MLXIP: variants seen among roughly 807,000 people sequenced by gnomAD.
MLXIP encodes the protein MLX-interacting protein.
In MLXIP, 30 loss-of-function variants were observed where a neutral mutation model predicts 87.2. That is an observed-to-expected ratio of 0.34 (90% CI 0.26 to 0.47). MLXIP has a LOEUF of 0.47. MLXIP is among the 20% of genes least tolerant of loss of function. MLXIP has a pLI of 1.00. For missense variants in MLXIP, 1,002 were observed against 1,240.1 expected (o/e 0.81, Z 2.88); for synonymous variants, 530 against 514.0 (o/e 1.03, Z -0.42).
rs183348638 is a variant in MLXIP at position 122,141,911 on chromosome 12, G to C, written c.*99G>C. 6.5e-7 allele frequency: 1 copy of C among 1,534,258 alleles called. No individual in the cohort carries two copies. The highest frequency in any genetic ancestry group is 8.8e-7 in the Non-Finnish European group (1 of 1,138,276). On this transcript the variant is annotated 3_prime_UTR_variant, in exon 17 of 17. Transcript: ENST00000319080. ...CCAGCCCTTCCTGACGCTCAGCCTC[G>C]GGGCCTCTCTCCAACTCTGCCGGCC...
intron 1 of MLXIP, among the ~76,000 whole-genome samples, chr12:122,092,916 T>TGTGTTGGTGTGTGG (rs1952268076): frequency 1.3e-5 from 2 of 150,828 alleles, no homozygotes; most frequent in East Asian, 3.9e-4. Context: ...TTGTTGTGTG[T>TGTGTTGGTGTGTGG]GATGTGTGTG....
At chr12:122,125,454 G>T (rs187396552) in intron 1 of MLXIP, among the ~76,000 whole-genome samples, 1 of 152,334 alleles carries the variant, frequency 6.6e-6, no homozygotes, top group East Asian at 1.9e-4. Context: ...ATGTATGTGT[G>T]TGTGTATTTT....
At position 122,141,881 on chromosome 12, in the gene MLXIP, G is replaced by T; in HGVS notation, c.*69G>T. 3 of 1,580,080 alleles carry T rather than the reference G, an allele frequency of 1.9e-6. No homozygotes were observed. Among genetic ancestry groups the T allele is most frequent in the Non-Finnish European group, 2.6e-6 (3 of 1,163,986 alleles). ...TCCCTGCCCATGGAGAGTAGGCTGC[G>T]CCCCCCAGCCCTTCCTGACGCTCAG... is the stretch of plus-strand genomic sequence containing the variant. On this transcript the variant is annotated 3_prime_UTR_variant, in exon 17 of 17. Transcript: ENST00000319080.
intron 16 of MLXIP, 62 bp downstream of exon 16, chr12:122,141,145 G>T: frequency 1.9e-6 from 3 of 1,542,964 alleles, no homozygotes; most frequent in Non-Finnish European, 2.6e-6. Context: ...GACAGCCCCA[G>T]GCTGAGGACA....
Position 122,138,530 on chromosome 12 carries a change from A to G in MLXIP, c.2363A>G (p.Glu788Gly), listed in dbSNP as rs780510607. ...EEARRLREEI[E>G]ELNATIISCQ... is the part of the protein sequence containing the mutation. ...GCCCGGCGGCTGCGGGAGGAGATCG[A>G]GGAGCTCAATGCCACCATCATGTGA... Residue 788 changes from glutamate (E) to glycine (G), a missense_variant, in exon 14 of 17, where the codon GAG becomes GGG. Transcript: ENST00000319080. 6.2e-7 allele frequency: 1 copy of G among 1,612,952 alleles called. No homozygotes were observed.
In MLXIP at chr12:122,135,777, A is replaced by G; in HGVS notation, c.2032+111A>G. On this transcript the variant is annotated intron_variant, in intron 11 of 16. Coordinates refer to ENST00000319080, the MANE Select transcript of MLXIP (RefSeq NM_014938.6). This position sits in a 1 kb window ranked among gnomAD's most constrained non-coding sequence, Gnocchi z 5.3. ...CCCCAGGACGGAGCCTGGGCTTAGG[A>G]CACACAGTGAGGTCTTGTAGGCCTG... The G allele has an allele frequency of 7.8e-7, 1 of 1,284,188 alleles. No individual in the cohort carries two copies. Among genetic ancestry groups the G allele is most frequent in the Non-Finnish European group, 1.0e-6 (1 of 967,430 alleles). The allele number at this position is 1,284,188 out of a possible 1,614,324, so 79.5% of individuals were successfully genotyped here.
chr12:122,108,576 G>A (rs766683257), intron 1 of MLXIP, among the ~76,000 whole-genome samples: 5 of 151,918 alleles, frequency 3.3e-5, no homozygotes, highest in African/African-American at 7.3e-5. Context: ...CTCCCTGCTC[G>A]ACTCCTCCCC....
At chr12:122,100,746 G>C (rs935020451) in intron 1 of MLXIP, among the ~76,000 whole-genome samples, 6 of 152,224 alleles carry the variant, frequency 3.9e-5, no homozygotes, top group Admixed American at 2.0e-4. Context: ...GTAAAACAAG[G>C]GTAATTAACT....
intron 1 of MLXIP, among the ~76,000 whole-genome samples, chr12:122,083,317 G>A (rs1565954209): frequency 2.0e-5 from 3 of 152,132 alleles, no homozygotes; most frequent in Admixed American, 6.6e-5. Context: ...TAAGAAGTGG[G>A]TGTTTGGAGA....
intron 4 of MLXIP, 154 bp downstream of exon 4, chr12:122,129,380 C>T: frequency 2.6e-6 from 1 of 384,806 alleles, no homozygotes. Context: ...CCAGACTAGC[C>T]TGGGCAATGG....
intron 1 of MLXIP, among the ~76,000 whole-genome samples, chr12:122,107,782 AG>A (rs1952543459): frequency 6.6e-6 from 1 of 151,222 alleles, no homozygotes; most frequent in African/African-American, 2.4e-5. Flanking sequence ...GTCTTTTCCG[AG>A]TTGGCCCTGA....
chr12:122,116,684 A>G (rs1565974261), intron 1 of MLXIP, among the ~76,000 whole-genome samples: 1 of 152,186 alleles, frequency 6.6e-6, no homozygotes, highest in African/African-American at 2.4e-5. Context: ...AAACTTAAGA[A>G]CATGCCCAAG....
rs1953068862 is a variant in MLXIP, at chr12:122,135,384, AC to A, written c.1854+43del. On this transcript the variant is annotated intron_variant, in intron 10 of 16. Transcript: ENST00000319080. The surrounding 1 kb of genome is among the most constrained non-coding windows in gnomAD (Gnocchi z 5.3). ...TAGGCAGACCTGCAGTGTCCTTCTC[AC>A]CCCGGAGCACTCTGATCTTGGGCGG... The A allele has an allele frequency of 1.3e-6, 2 of 1,599,798 alleles. No homozygotes were observed. The highest frequency in any genetic ancestry group is 1.3e-5 in the African/African-American group (1 of 74,602).
chr12:122,094,526 TTG>T (rs1301883992), intron 1 of MLXIP, among the ~76,000 whole-genome samples: 3 of 103,068 alleles, frequency 2.9e-5, no homozygotes, highest in Non-Finnish European at 4.1e-5. Context: ...GGTGTGTGTG[TTG>T]TGTGTGGTGT....
At chr12:122,106,690 C>T (rs1952526499) in intron 1 of MLXIP, among the ~76,000 whole-genome samples, 3 of 149,990 alleles carry the variant, frequency 2.0e-5, no homozygotes, top group African/African-American at 7.4e-5. Context: ...CAACCTCCGC[C>T]TCCCGGGTTC....
chr12:122,135,564 C>T lies in MLXIP; in HGVS notation c.1930C>T (p.Pro644Ser), dbSNP rs1490620666. The change falls in exon 11 of 17, where the codon CCC becomes TCC. Residue 644 changes from proline to serine, a missense_variant. This residue lies in a region of MLXIP where 746 missense variants were observed against 897.0 expected (regional missense o/e 0.83). Transcript: ENST00000319080. This position sits in a 1 kb window ranked among gnomAD's most constrained non-coding sequence, Gnocchi z 5.3. Reference sequence around the variant, plus strand: ...CCATGGCACGAGCAGCCCGCCTGCCCCCGTCTCCCGGCTCTTCCCAAGCAC... The same window carrying T: ...CCATGGCACGAGCAGCCCGCCTGCCTCCGTCTCCCGGCTCTTCCCAAGCAC... ...LGHGTSSPPA[P>S]VSRLFPSTAQ... 6.2e-7 allele frequency: 1 copy of T among 1,601,716 alleles called. No individual in the cohort carries two copies. Among genetic ancestry groups the T allele is most frequent in the South Asian group, 1.1e-5 (1 of 88,862 alleles).
At chr12:122,080,453 T>C (rs1952074761) in intron 1 of MLXIP, among the ~76,000 whole-genome samples, 1 of 152,244 alleles carries the variant, frequency 6.6e-6, no homozygotes, top group Non-Finnish European at 1.5e-5. Context: ...TTAAATGTTA[T>C]GCTTTTACCT....
intron 1 of MLXIP, among the ~76,000 whole-genome samples, chr12:122,104,918 C>T (rs1239310936): frequency 6.6e-6 from 1 of 152,178 alleles, no homozygotes; most frequent in Admixed American, 6.5e-5. Flanking sequence ...TGCCTTCCCC[C>T]CGTGGCTCTG....
In MLXIP at chr12:122,130,057, C is replaced by G. The variant is rs763464240; in HGVS notation, c.855C>G (p.Leu285=). 6.2e-7 allele frequency: 1 copy of G among 1,613,834 alleles called. No individual in the cohort carries two copies. Among genetic ancestry groups the G allele is most frequent in the South Asian group, 1.1e-5 (1 of 91,074 alleles). Residue 285 remains leucine (L), a synonymous_variant, in exon 6 of 17, where the codon CTC becomes CTG. Transcript: ENST00000319080. ...DMLMSEFSDT[L]FSTLSSHQPV... ...TCATGTCGGAATTCAGCGACACCCTCTTCTCCACACTTTCTTCACACCAGC... is the reference window on the plus strand; with the variant it reads ...TCATGTCGGAATTCAGCGACACCCTGTTCTCCACACTTTCTTCACACCAGC...
Sources: gnomAD v4.1 joint callset for allele counts (sites outside exome capture counted in the v4.1 genomes callset) on GRCh38, gnomAD v4.1.1 for gene constraint, gnomAD v4.1.1 regional missense constraint, Gnocchi (gnomAD v3.1) non-coding constraint, MANE v1.5 for transcripts, NCBI Gene and HGNC (gene_info 2026-07-23, HGNC 2026-07-21) for gene names.